The following ABCB5 variants were observed in gnomAD, a reference collection of about 807,000 sequenced individuals.
ABCB5 encodes the protein ATP binding cassette subfamily B member 5.
In ABCB5, 155 loss-of-function variants were observed where a neutral mutation model predicts 144.2. The ratio of observed to expected loss-of-function variants is 1.08; its 90% CI spans 0.94 to 1.23. The LOEUF (loss-of-function observed/expected upper bound fraction) is 1.23. Ranked by LOEUF, ABCB5 falls within the 50% of genes most tolerant of loss-of-function variation. The probability of loss-of-function intolerance (pLI) is 0.00; values close to 1 mark genes in which losing one functional copy is unlikely to be tolerated. For missense variants in ABCB5, 1,830 were observed against 1,520.8 expected (o/e 1.20, Z -3.38); for synonymous variants, 610 against 528.6 (o/e 1.15, Z -2.11).
intron 5 of ABCB5, chr7:20,641,997 G>A (rs1213191821): frequency 6.6e-6 from 1 of 152,250 alleles, no homozygotes; most frequent in Non-Finnish European, 1.5e-5. Context: ...AGGCCGCCAT[G>A]ATCCTCCTCC....
At chr7:20,686,138 T>C (rs567892673) in intron 16 of ABCB5, among the ~76,000 whole-genome samples, 7 of 152,282 alleles carry the variant, frequency 4.6e-5, no homozygotes, top group Non-Finnish European at 8.8e-5. Context: ...GCAAATGTGA[T>C]ACAGATACCA....
In ABCB5 at chr7:20,700,087, T is replaced by G. The variant is rs367937339; in HGVS notation, c.2289T>G (p.Ile763Met). 4.3e-6 allele frequency: 7 copies of G among 1,613,730 alleles called. No homozygotes were observed. The highest frequency in any genetic ancestry group is 1.3e-5 in the African/African-American group (1 of 74,922). The part of the protein sequence containing the change: ...QGLFYGRAGE[I>M]LTMRLRHLAF... ...TATTTTACGGCAGAGCAGGGGAAAT[T>G]TTAACGATGAGATTAAGACACTTGG... Residue 763 changes from isoleucine (I) to methionine (M), a missense_variant, in exon 19 of 28, where the codon ATT becomes ATG. By Grantham distance (10) the Ile-to-Met change is conservative. Coordinates refer to ENST00000404938, the MANE Select transcript of ABCB5 (RefSeq NM_001163941.2).
intron 27 of ABCB5, among the ~76,000 whole-genome samples, chr7:20,754,418 G>A (rs1161451475): frequency 3.3e-5 from 5 of 152,210 alleles, no homozygotes; most frequent in Admixed American, 6.5e-5. Context: ...CTAGCAGTAT[G>A]ACCTTGGTCT....
chr7:20,698,649 G>A (rs1786505824), intron 17 of ABCB5, 99 bp downstream of exon 17: 3 of 1,191,744 alleles, frequency 2.5e-6, no homozygotes, highest in Non-Finnish European at 3.4e-6. Flanking sequence ...GGAAAATTGG[G>A]ACTTTTAGTG....
chr7:20,733,498 A>T (rs1006483283), intron 23 of ABCB5, among the ~76,000 whole-genome samples: 42 of 152,266 alleles, frequency 2.8e-4, no homozygotes, highest in African/African-American at 7.2e-4. Context: ...CTATCAGAAC[A>T]TATGAAGGAC....
intron 23 of ABCB5, among the ~76,000 whole-genome samples, chr7:20,733,214 C>A (rs1043719904): frequency 2.0e-5 from 3 of 151,528 alleles, no homozygotes; most frequent in African/African-American, 7.3e-5. Flanking sequence ...ATTACAAATT[C>A]TGTGGCCAAA....
At chr7:20,642,577 T>A (rs141388006) in intron 5 of ABCB5, among the ~76,000 whole-genome samples, 1 of 152,306 alleles carries the variant, frequency 6.6e-6, no homozygotes, top group African/African-American at 2.4e-5. Flanking sequence ...TTGGAGGACT[T>A]ATTATCTTGC....
intron 20 of ABCB5, among the ~76,000 whole-genome samples, chr7:20,712,191 G>T (rs1265667326): frequency 5.7e-5 from 6 of 105,470 alleles, no homozygotes; most frequent in African/African-American, 2.3e-4. Flanking sequence ...AAGATATTGA[G>T]ATATTGCTCT....
At chr7:20,632,000 T>C (rs893157947) in intron 4 of ABCB5, 59 bp from the exon 5 acceptor site, 10 of 1,179,610 alleles carry the variant, frequency 8.5e-6, no homozygotes, top group Non-Finnish European at 1.2e-5. Flanking sequence ...GCTATCTGTG[T>C]AACAGTGTGA....
chr7:20,699,439 G>T (rs577794104), intron 17 of ABCB5, among the ~76,000 whole-genome samples: 1 of 152,072 alleles, frequency 6.6e-6, no homozygotes. Context: ...AATGGCTCAC[G>T]CCTGTAATCC....
intron 14 of ABCB5, among the ~76,000 whole-genome samples, chr7:20,678,747 G>A (rs1785690903): frequency 6.6e-6 from 1 of 152,340 alleles, no homozygotes. Flanking sequence ...GTCTTTAGTA[G>A]TTAAGACAGC....
chr7:20,653,272 A>G (rs1784664251), intron 13 of ABCB5, among the ~76,000 whole-genome samples: 1 of 152,214 alleles, frequency 6.6e-6, no homozygotes, highest in South Asian at 2.1e-4. Context: ...TAACCAAAAT[A>G]AATTAAAGAT....
At chr7:20,640,246 T>C (rs567381108) in intron 5 of ABCB5, among the ~76,000 whole-genome samples, 1 of 152,344 alleles carries the variant, frequency 6.6e-6, no homozygotes, top group African/African-American at 2.4e-5. Context: ...AATTGAATTA[T>C]CAAATTCTGA....
chr7:20,617,839 C>T (rs570327518), intron 1 of ABCB5, among the ~76,000 whole-genome samples: 145 of 152,146 alleles, frequency 9.5e-4, no homozygotes, highest in South Asian at 2.1e-3. Flanking sequence ...ACAAGTTACA[C>T]CTCAAGTCAA....
intron 14 of ABCB5, among the ~76,000 whole-genome samples, chr7:20,681,230 G>A (rs1013913997): frequency 6.6e-6 from 1 of 151,646 alleles, no homozygotes; most frequent in African/African-American, 2.4e-5. Context: ...AGGTTCAAGC[G>A]ATTCTCCTGC....
At chr7:20,725,071 T>A (rs1781993308) in intron 21 of ABCB5, among the ~76,000 whole-genome samples, 1 of 152,244 alleles carries the variant, frequency 6.6e-6, no homozygotes. Flanking sequence ...TTTTGCTGTA[T>A]ATGTGCCCTT....
rs149754579 is a variant in ABCB5, at chr7:20,693,731, G to A, written c.2011-4676G>A. Among the ~76,000 whole-genome samples, 308 of 151,702 alleles carry A rather than the reference G, an allele frequency of 2.0e-3. 4 individuals carry two copies. The highest frequency in any genetic ancestry group is 6.6e-3 in the African/African-American group (273 of 41,442). The stretch of plus-strand genomic sequence containing the variant: ...AGAAAAATCAATCAAATACAAAGCT[G>A]GTTCTCTGGGAACATCAATATTGAA... On this transcript the variant is annotated intron_variant, in intron 16 of 27. Coordinates refer to ENST00000404938, the MANE Select transcript of ABCB5 (RefSeq NM_001163941.2).
intron 14 of ABCB5, among the ~76,000 whole-genome samples, chr7:20,670,111 C>T (rs1398756387): frequency 1.3e-5 from 2 of 152,148 alleles, no homozygotes; most frequent in East Asian, 1.9e-4. Flanking sequence ...ATCTGAGAGA[C>T]TGTAACAGCC....
Position 20,755,720 on chromosome 7 carries a change from A to C in ABCB5, c.*96A>C. On this transcript the variant is annotated 3_prime_UTR_variant, in exon 28 of 28. Coordinates refer to ENST00000404938, the MANE Select transcript of ABCB5 (RefSeq NM_001163941.2). Reference sequence around the variant, plus strand: ...AGCTTTGATCTCTTTTATTGCATATATCAATACCTAGAATCATGCTACTCA... The same window carrying C: ...AGCTTTGATCTCTTTTATTGCATATCTCAATACCTAGAATCATGCTACTCA... The C allele has an allele frequency of 9.4e-7, 1 of 1,064,382 alleles. No homozygotes were observed. Among genetic ancestry groups the C allele is most frequent in the Non-Finnish European group, 1.4e-6 (1 of 722,010 alleles). The allele number at this position is 1,064,382 out of a possible 1,614,324, so 65.9% of individuals were successfully genotyped here. A position where few individuals can be genotyped will look rare whatever the true frequency, so the allele number is the denominator to read the frequency against.
Sources: gnomAD v4.1 joint callset for allele counts (sites outside exome capture counted in the v4.1 genomes callset) on GRCh38, gnomAD v4.1.1 for gene constraint, MANE v1.5 for transcripts, NCBI Gene and HGNC (gene_info 2026-07-23, HGNC 2026-07-21) for gene names.